DPYD: variants seen among roughly 807,000 people sequenced by gnomAD.
DPYD encodes dihydropyrimidine dehydrogenase [NADP(+)].
In DPYD, 109 loss-of-function variants were observed where a neutral mutation model predicts 116.2. The observed-to-expected ratio is 0.94, with a 90% CI of 0.80 to 1.10. The LOEUF is 1.10. Ranked by LOEUF, DPYD falls within the 50% of genes least tolerant of loss-of-function variation. The pLI is 0.00. For missense variants in DPYD, 1,302 were observed against 1,254.5 expected, an observed-to-expected ratio of 1.04 and a Z score of -0.57; for synonymous variants, 440 against 432.0, an observed-to-expected ratio of 1.02 and a Z score of -0.23.
chr1:97,763,247 C>T (rs778556910), intron 3 of DPYD, among the ~76,000 whole-genome samples: 8 of 151,948 alleles, frequency 5.3e-5, no homozygotes, highest in Non-Finnish European at 1.0e-4. Flanking sequence ...CTTTCTGTAT[C>T]ATTATATTTC....
intron 13 of DPYD, among the ~76,000 whole-genome samples, chr1:97,482,021 C>T (rs1240131467): frequency 1.3e-5 from 2 of 152,076 alleles, no homozygotes; most frequent in Non-Finnish European, 2.9e-5. Context: ...AAAGTAGATG[C>T]ATTATCTTCT....
At chr1:97,659,275 A>T (rs1571144591) in intron 8 of DPYD, among the ~76,000 whole-genome samples, 1 of 152,214 alleles carries the variant, frequency 6.6e-6, no homozygotes, top group East Asian at 1.9e-4. Flanking sequence ...ACCATAGTAA[A>T]TGCTGGTAGA....
intron 15 of DPYD, among the ~76,000 whole-genome samples, 177 bp downstream of exon 15, chr1:97,382,216 C>A (rs1369307149): frequency 1.3e-5 from 2 of 152,090 alleles, no homozygotes; most frequent in Non-Finnish European, 2.9e-5. Context: ...TTTAAATTTA[C>A]ATTTCCATCA....
rs575404147 is a variant in DPYD at position 97,277,626 on chromosome 1, A to C, written c.2299+27633T>G. On this transcript the variant is annotated intron_variant, in intron 18 of 22. Transcript: ENST00000370192. Reference sequence around the variant, plus strand: ...CAGTTAATCCCATTGACCTTCTCTAAAACATATTCTGAACACAACATTCTC... The same window carrying C: ...CAGTTAATCCCATTGACCTTCTCTACAACATATTCTGAACACAACATTCTC... 8.5e-5 allele frequency among the ~76,000 whole-genome samples: 13 copies of C among 152,210 alleles called. No individual in the cohort carries two copies. The Middle Eastern group carries it at 0.014, about 159-fold the overall frequency.
At chr1:97,311,554 T>C (rs1024844896) in intron 16 of DPYD, among the ~76,000 whole-genome samples, 2 of 151,730 alleles carry the variant, frequency 1.3e-5, no homozygotes, top group Admixed American at 1.3e-4. Context: ...TGTAAATCAG[T>C]ACAAGAGTCT....
intron 1 of DPYD, among the ~76,000 whole-genome samples, chr1:97,910,138 T>G (rs773064887): frequency 5.9e-5 from 9 of 152,126 alleles, no homozygotes; most frequent in Non-Finnish European, 1.3e-4. Flanking sequence ...TCTTGGTTTA[T>G]TTTTACAAAA....
At chr1:97,514,134 A>G in intron 13 of DPYD, 2 of 889,664 alleles carry the variant, frequency 2.2e-6, no homozygotes, top group Non-Finnish European at 2.7e-6. Context: ...CTAAATTGAT[A>G]GATTAAATTC....
chr1:97,111,769 ACAC>A (rs1651617168), intron 20 of DPYD, among the ~76,000 whole-genome samples: 1 of 152,092 alleles, frequency 6.6e-6, no homozygotes, highest in South Asian at 2.1e-4. Context: ...GGCTCATTGC[ACAC>A]TCTTGAATGA....
At chr1:97,398,744 C>G (rs1673167932) in intron 14 of DPYD, among the ~76,000 whole-genome samples, 1 of 152,152 alleles carries the variant, frequency 6.6e-6, no homozygotes, top group African/African-American at 2.4e-5. Flanking sequence ...TAAATGTCTT[C>G]TTTTGAGAAG....
intron 16 of DPYD, among the ~76,000 whole-genome samples, chr1:97,338,488 C>T (rs541003037): frequency 1.2e-4 from 18 of 152,210 alleles, no homozygotes; most frequent in Middle Eastern, 3.4e-3. Context: ...CCACATATGC[C>T]GGTGGAGCTT....
chr1:97,426,212 G>C (rs1217408845), intron 14 of DPYD, among the ~76,000 whole-genome samples: 1 of 151,950 alleles, frequency 6.6e-6, no homozygotes, highest in African/African-American at 2.4e-5. Flanking sequence ...GAGATATAGA[G>C]ATAAGGACTT....
chr1:97,133,398 A>T, intron 20 of DPYD, among the ~76,000 whole-genome samples: 1 of 152,030 alleles, frequency 6.6e-6, no homozygotes. Context: ...TCTCTAACTT[A>T]TGCAGGGGAA....
At chr1:97,254,384 C>G (rs1472121407) in intron 18 of DPYD, among the ~76,000 whole-genome samples, 2 of 152,040 alleles carry the variant, frequency 1.3e-5, no homozygotes, top group Non-Finnish European at 2.9e-5. Flanking sequence ...AAAAGCTGTT[C>G]TAGTTACGAA....
intron 18 of DPYD, among the ~76,000 whole-genome samples, chr1:97,303,344 C>T (rs1342293593): frequency 1.3e-5 from 2 of 151,950 alleles, no homozygotes. Flanking sequence ...CAGATATTAG[C>T]ACTGTGCTAT....
chr1:97,794,029 C>T (rs895874420), intron 3 of DPYD, among the ~76,000 whole-genome samples: 3 of 151,880 alleles, frequency 2.0e-5, no homozygotes, highest in Admixed American at 6.6e-5. Flanking sequence ...CCTCAACTTC[C>T]TGGGCTCAGG....
intron 8 of DPYD, among the ~76,000 whole-genome samples, chr1:97,674,344 C>T (rs576918763): frequency 2.4e-4 from 36 of 152,226 alleles, no homozygotes; most frequent in Middle Eastern, 3.4e-3. Flanking sequence ...TGCATTTTCC[C>T]CTTAGCCCCT....
Position 97,852,127 on chromosome 1 carries a change from G to C in DPYD, c.151-23931C>G, listed in dbSNP as rs1203782416. 3.3e-5 allele frequency among the ~76,000 whole-genome samples: 5 copies of C among 151,720 alleles called. No individual in the cohort carries two copies. In the South Asian group the frequency reaches 8.3e-4, roughly 25 times the overall value. ...AAATTAAGCCATTCAAGCATTCAAG[G>C]ACCAGCACTAGGAAATTTCAAGTAG... On this transcript the variant is annotated intron_variant, in intron 2 of 22. Transcript: ENST00000370192.
intron 12 of DPYD, among the ~76,000 whole-genome samples, chr1:97,536,008 T>C (rs1262992000): frequency 1.3e-5 from 2 of 152,224 alleles, no homozygotes; most frequent in South Asian, 2.1e-4. Context: ...GTTTAATGTA[T>C]GTTTATTTAT....
intron 2 of DPYD, among the ~76,000 whole-genome samples, chr1:97,882,507 G>C (rs1004478752): frequency 1.3e-5 from 2 of 151,944 alleles, no homozygotes. Flanking sequence ...TAATACTACT[G>C]TCTCACTCAT....
Sources: allele counts gnomAD v4.1 joint callset (sites outside exome capture counted in the v4.1 genomes callset), GRCh38; gene constraint gnomAD v4.1.1; transcripts MANE v1.5; gene names NCBI Gene and HGNC (gene_info 2026-07-23, HGNC 2026-07-21).